Variants in EPB41 observed in about 807,000 individuals in gnomAD.
EPB41 encodes the protein protein 4.1.
EPB41 carries 65 observed loss-of-function variants against 108.0 expected under a neutral mutation model. The observed-to-expected ratio is 0.60, with a 90% CI of 0.49 to 0.74. The LOEUF (loss-of-function observed/expected upper bound fraction) is 0.74. EPB41 is among the 30% of genes least tolerant of loss of function. The pLI is 0.00. For synonymous variants in EPB41, 336 were observed against 358.9 expected, an observed-to-expected ratio of 0.94 and a Z score of 0.72; for missense variants, 875 against 1,037.0, an observed-to-expected ratio of 0.84 and a Z score of 2.15.
chr1:29,014,178 A>G (rs1039807072), intron 5 of EPB41, among the ~76,000 whole-genome samples: 5 of 151,930 alleles, frequency 3.3e-5, no homozygotes, highest in Non-Finnish European at 5.9e-5. Context: ...TTAGCTGGGC[A>G]TGGTGGCAGG....
chr1:28,996,058 T>C (rs925785227), intron 3 of EPB41, among the ~76,000 whole-genome samples: 24 of 152,226 alleles, frequency 1.6e-4, no homozygotes, highest in African/African-American at 5.8e-4. Flanking sequence ...GACATTCACA[T>C]ATTTGATTAT....
chr1:28,894,306 G>A (rs2090443449), intron 1 of EPB41, among the ~76,000 whole-genome samples: 1 of 152,212 alleles, frequency 6.6e-6, no homozygotes, highest in African/African-American at 2.4e-5. Context: ...CCAAAGGAAT[G>A]AAGATATTTA....
intron 1 of EPB41, among the ~76,000 whole-genome samples, chr1:28,981,282 A>G (rs537838284): frequency 2.0e-5 from 3 of 152,376 alleles, no homozygotes; most frequent in Non-Finnish European, 2.9e-5. Flanking sequence ...ACATATATGC[A>G]TAACACAAAA....
intron 17 of EPB41, among the ~76,000 whole-genome samples, chr1:29,102,646 G>A (rs1188158590): frequency 6.6e-6 from 1 of 152,100 alleles, no homozygotes; most frequent in African/African-American, 2.4e-5. Context: ...GGAGTGCAGT[G>A]GCATGATCTC....
chr1:28,976,220 T>G (rs933864142), intron 1 of EPB41, among the ~76,000 whole-genome samples: 1 of 152,200 alleles, frequency 6.6e-6, no homozygotes, highest in Non-Finnish European at 1.5e-5. Context: ...AGCAAATTTT[T>G]TAACCACCCA....
rs765972874 is a variant in EPB41 at position 29,109,472 on chromosome 1, A to G, written c.2415+35A>G. ...CAGCTAGAACCTCTTTATGGAACCC[A>G]GGGGCAGGCTAAGCTTGCTGCCACC... On this transcript the variant is annotated intron_variant, in intron 18 of 20. Coordinates refer to ENST00000343067, the MANE Select transcript of EPB41 (RefSeq NM_001376013.1). The G allele has an allele frequency of 4.7e-5, 74 of 1,578,752 alleles. 1 individual carries two copies. Among genetic ancestry groups the G allele is most frequent in the Admixed American group, 2.2e-4 (13 of 59,848 alleles).
chr1:28,979,663 T>C (rs2095688850), intron 1 of EPB41, among the ~76,000 whole-genome samples: 1 of 145,510 alleles, frequency 6.9e-6, no homozygotes, highest in South Asian at 2.1e-4. Flanking sequence ...ATAGCAAAAC[T>C]AGCACATGCT....
intron 15 of EPB41, among the ~76,000 whole-genome samples, chr1:29,062,991 C>G (rs537471935): frequency 3.3e-5 from 5 of 152,340 alleles, no homozygotes; most frequent in South Asian, 2.1e-4. Context: ...TTACAAGTCT[C>G]TTACATTAAG....
At chr1:29,053,543 C>G in intron 12 of EPB41, 1 of 505,932 alleles carries the variant, frequency 2.0e-6, no homozygotes, top group Non-Finnish European at 3.5e-6. Context: ...ACTCCTTGAC[C>G]CAACTATTAT....
intron 1 of EPB41, among the ~76,000 whole-genome samples, chr1:28,951,600 T>TC (rs1168783078): frequency 1.3e-5 from 2 of 152,044 alleles, no homozygotes; most frequent in Non-Finnish European, 2.9e-5. Context: ...ATGCCTGTAA[T>TC]CCCCCCACTT....
At chr1:29,023,523 A>G (rs769121009) in intron 7 of EPB41, among the ~76,000 whole-genome samples, 9 of 151,486 alleles carry the variant, frequency 5.9e-5, no homozygotes, top group Non-Finnish European at 1.0e-4. Flanking sequence ...CCCCATCTCT[A>G]CTAAAAATAC....
chr1:29,083,097 A>T (rs1657400173), intron 16 of EPB41, among the ~76,000 whole-genome samples: 2 of 152,270 alleles, frequency 1.3e-5, no homozygotes, highest in South Asian at 4.1e-4. Flanking sequence ...AGACTGTGAA[A>T]ATGACTCTGA....
intron 11 of EPB41, among the ~76,000 whole-genome samples, chr1:29,049,311 T>C (rs1054107568): frequency 6.6e-6 from 1 of 152,174 alleles, no homozygotes; most frequent in Non-Finnish European, 1.5e-5. Flanking sequence ...AGAGAAAACA[T>C]TTAGGAATTA....
At chr1:28,970,724 A>G (rs553233683) in intron 1 of EPB41, among the ~76,000 whole-genome samples, 64 of 152,342 alleles carry the variant, frequency 4.2e-4, no homozygotes, top group South Asian at 6.2e-4. Flanking sequence ...TTATAGCCTC[A>G]ACTAGACACA....
chr1:28,913,931 A>C (rs1238085588), upstream of EPB41, among the ~76,000 whole-genome samples: 2 of 152,208 alleles, frequency 1.3e-5, no homozygotes, highest in African/African-American at 2.4e-5. Context: ...AGATCCTTAA[A>C]TGCAGAAGAC....
chr1:28,968,991 A>C (rs749133941), intron 1 of EPB41, among the ~76,000 whole-genome samples: 9 of 146,130 alleles, frequency 6.2e-5, no homozygotes, highest in Non-Finnish European at 1.2e-4. Context: ...CCAAAAAAAA[A>C]ACACAAACTA....
At chr1:28,942,562 T>A (rs941832300) in intron 1 of EPB41, among the ~76,000 whole-genome samples, 1 of 152,246 alleles carries the variant, frequency 6.6e-6, no homozygotes, top group Non-Finnish European at 1.5e-5. Flanking sequence ...GGAGCTACCT[T>A]GCCCTCTCTG....
intron 16 of EPB41, among the ~76,000 whole-genome samples, chr1:29,067,450 C>A (rs1329085804): frequency 7.4e-6 from 1 of 135,004 alleles, no homozygotes; most frequent in South Asian, 2.4e-4. Flanking sequence ...GAGCCGAGAT[C>A]GCGCCACTGC....
chr1:29,064,713 T>G (rs1277116863), intron 15 of EPB41, among the ~76,000 whole-genome samples: 2 of 152,202 alleles, frequency 1.3e-5, no homozygotes, highest in Non-Finnish European at 2.9e-5. Context: ...GAATCATAAA[T>G]TAAGGCGTGA....
Sources: allele counts gnomAD v4.1 joint callset (sites outside exome capture counted in the v4.1 genomes callset), GRCh38; gene constraint gnomAD v4.1.1; transcripts MANE v1.5; gene names NCBI Gene and HGNC (gene_info 2026-07-23, HGNC 2026-07-21).